Variants in C9orf85 observed in about 807,000 individuals in gnomAD.
C9orf85 encodes the protein chromosome 9 open reading frame 85.
C9orf85 carries 16 observed loss-of-function variants against 14.9 expected under a neutral mutation model. That is an observed-to-expected ratio of 1.08 (90% CI 0.73 to 1.63). C9orf85 has a LOEUF of 1.63. Among genes scored for constraint, C9orf85 ranks in the 40% most tolerant of loss-of-function variants. The probability of loss-of-function intolerance (pLI) is 0.00; values close to 1 mark genes in which losing one functional copy is unlikely to be tolerated. For missense variants in C9orf85, 172 were observed against 186.1 expected, an observed-to-expected ratio of 0.92 and a Z score of 0.44; for synonymous variants, 45 against 56.8, an observed-to-expected ratio of 0.79 and a Z score of 0.93.
chr9:71,923,641 T>C (rs1484122118), intron 1 of C9orf85, among the ~76,000 whole-genome samples: 1 of 152,208 alleles, frequency 6.6e-6, no homozygotes, highest in Non-Finnish European at 1.5e-5. Context: ...CCAGCTCCCT[T>C]GTCCATCTTT....
chr9:71,961,780 G>A (rs1415128345), intron 2 of C9orf85, among the ~76,000 whole-genome samples: 1 of 152,130 alleles, frequency 6.6e-6, no homozygotes, highest in East Asian at 1.9e-4. Flanking sequence ...CAGTTCATGA[G>A]GACTCCAGTT....
chr9:71,912,685 G>A (rs1311238837), intron 1 of C9orf85, among the ~76,000 whole-genome samples: 1 of 152,118 alleles, frequency 6.6e-6, no homozygotes, highest in Non-Finnish European at 1.5e-5. Flanking sequence ...AGAAGTTCGA[G>A]AACGACCTGG....
At chr9:71,928,215 A>G (rs79319140) in intron 1 of C9orf85, among the ~76,000 whole-genome samples, 1 of 133,668 alleles carries the variant, frequency 7.5e-6, no homozygotes, top group African/African-American at 2.8e-5. Flanking sequence ...AAAAAAAAAA[A>G]GGCAATGGCT....
At chr9:71,978,928 G>T (rs764356228) in intron 3 of C9orf85, among the ~76,000 whole-genome samples, 1 of 152,154 alleles carries the variant, frequency 6.6e-6, no homozygotes, top group Non-Finnish European at 1.5e-5. Context: ...CCAGCTACTT[G>T]GGAGGCTGAG....
At chr9:71,940,246 A>T (rs1828295222) in intron 1 of C9orf85, among the ~76,000 whole-genome samples, 1 of 152,122 alleles carries the variant, frequency 6.6e-6, no homozygotes, top group African/African-American at 2.4e-5. Context: ...AAAGACGCAA[A>T]AGATTTGAAT....
intron 1 of C9orf85, among the ~76,000 whole-genome samples, chr9:71,914,145 C>A (rs1183272491): frequency 6.6e-6 from 1 of 152,112 alleles, no homozygotes. Flanking sequence ...TAACTTTGTG[C>A]CTGTTCTTTA....
At chr9:71,964,533 C>T (rs899901387) in intron 2 of C9orf85, among the ~76,000 whole-genome samples, 3 of 151,840 alleles carry the variant, frequency 2.0e-5, no homozygotes, top group African/African-American at 7.3e-5. Flanking sequence ...AGAGCTGTAA[C>T]GCTCACCGTG....
At chr9:71,931,010 G>C (rs1205046836) in intron 1 of C9orf85, among the ~76,000 whole-genome samples, 1 of 152,044 alleles carries the variant, frequency 6.6e-6, no homozygotes, top group African/African-American at 2.4e-5. Context: ...GTTTAGATTT[G>C]GCTTAAATTT....
intron 1 of C9orf85, among the ~76,000 whole-genome samples, chr9:71,935,216 A>C (rs528217872): frequency 2.0e-5 from 3 of 152,318 alleles, no homozygotes; most frequent in Admixed American, 2.0e-4. Context: ...CTACTCAGAA[A>C]ATTAAAAACA....
chr9:71,983,317 TA>T (rs1374560280), downstream of C9orf85: 1 of 152,248 alleles, frequency 6.6e-6, no homozygotes, highest in African/African-American at 2.4e-5. Context: ...TTCATGTGTT[TA>T]TTAGCCAATC....
chr9:71,936,770 CTTTTTTT>C (rs71353543), intron 1 of C9orf85, among the ~76,000 whole-genome samples: 1 of 89,180 alleles, frequency 1.1e-5, no homozygotes. Context: ...TTTGTTCAAG[CTTTTTTT>C]TTTTTTTTTT....
chr9:71,958,219 T>A (rs557071390), intron 2 of C9orf85, among the ~76,000 whole-genome samples: 7 of 143,422 alleles, frequency 4.9e-5, no homozygotes, highest in African/African-American at 1.0e-4. Flanking sequence ...GTAATTAAAA[T>A]ATATATATAT....
chr9:71,982,737 G>A, exon 4 of C9orf85: 1 of 356,708 alleles, frequency 2.8e-6, no homozygotes, highest in Non-Finnish European at 5.3e-6. Flanking sequence ...CCTTGTTCAA[G>A]TGATTCTCCT....
At chr9:71,932,537 A>T (rs1481479325) in intron 1 of C9orf85, among the ~76,000 whole-genome samples, 1 of 152,194 alleles carries the variant, frequency 6.6e-6, no homozygotes, top group Non-Finnish European at 1.5e-5. Context: ...ACTTTGCCTC[A>T]GCTCTGTACT....
intron 3 of C9orf85, among the ~76,000 whole-genome samples, chr9:71,978,486 G>C (rs1823042983): frequency 6.6e-6 from 1 of 151,884 alleles, no homozygotes; most frequent in Non-Finnish European, 1.5e-5. Context: ...TTAAAATATA[G>C]TTTTTTTTAC....
At chr9:71,921,554 A>G (rs969821647) in intron 1 of C9orf85, among the ~76,000 whole-genome samples, 6 of 152,212 alleles carry the variant, frequency 3.9e-5, no homozygotes, top group Non-Finnish European at 7.3e-5. Flanking sequence ...ACAGTGATTT[A>G]TGTGTTAGCC....
At chr9:71,946,565 C>G (rs1416600810) in intron 1 of C9orf85, among the ~76,000 whole-genome samples, 2 of 151,978 alleles carry the variant, frequency 1.3e-5, no homozygotes, top group South Asian at 4.2e-4. Context: ...GAGGCCGAGG[C>G]GGGTGAATCA....
At chr9:71,963,872 C>T (rs1381091547) in intron 2 of C9orf85, among the ~76,000 whole-genome samples, 5 of 152,220 alleles carry the variant, frequency 3.3e-5, no homozygotes, top group Admixed American at 3.3e-4. Flanking sequence ...AGCGCCACCC[C>T]CTGCTCCACG....
Position 71,911,844 on chromosome 9 carries a change from C to A in C9orf85, c.102+8C>A, listed in dbSNP as rs767665153. 2 of 1,612,154 alleles carry A rather than the reference C, an allele frequency of 1.2e-6. No individual in the cohort carries two copies. Among genetic ancestry groups the A allele is most frequent in the Non-Finnish European group, 1.7e-6 (2 of 1,178,352 alleles). Reference sequence around the variant, plus strand: ...AAAAGTGTGCAGACCAAGGTAGGAACCTGCCTGTTGCACCGTCTTTGACTC... The same window carrying A: ...AAAAGTGTGCAGACCAAGGTAGGAAACTGCCTGTTGCACCGTCTTTGACTC... On this transcript the variant is annotated splice_region_variant and intron_variant, in intron 1 of 3. Transcript: ENST00000334731.
Sources: allele counts gnomAD v4.1 joint callset (sites outside exome capture counted in the v4.1 genomes callset), GRCh38; gene constraint gnomAD v4.1.1; transcripts MANE v1.5; gene names NCBI Gene and HGNC (gene_info 2026-07-23, HGNC 2026-07-21).